Variants in PCDHGA9 observed in about 807,000 individuals in gnomAD.
The protein encoded by PCDHGA9 is protocadherin gamma-A9.
PCDHGA9 carries 37 observed loss-of-function variants against 62.5 expected under a neutral mutation model. The ratio of observed to expected loss-of-function variants is 0.59; its 90% CI spans 0.46 to 0.78. PCDHGA9 has a LOEUF of 0.78. Among genes scored for constraint, PCDHGA9 ranks in the 30% least tolerant of loss-of-function variants. PCDHGA9 has a pLI of 0.00. For synonymous variants in PCDHGA9, 459 were observed against 484.6 expected (o/e 0.95, Z 0.69); for missense variants, 1,138 against 1,166.2 (o/e 0.98, Z 0.35).
intron 1 of PCDHGA9, among the ~76,000 whole-genome samples, chr5:141,447,321 G>C (rs148203274): frequency 3.9e-5 from 6 of 152,068 alleles, no homozygotes; most frequent in Admixed American, 6.5e-5. Flanking sequence ...TGTATTTTTA[G>C]TAGAGACGGG....
chr5:141,497,473 AGGT>A (rs2099776769), intron 2 of PCDHGA9, among the ~76,000 whole-genome samples: 1 of 151,750 alleles, frequency 6.6e-6, no homozygotes. Flanking sequence ...ATGGAGGAGA[AGGT>A]GCGGAACCTC....
chr5:141,474,579 G>A (rs1340685342), intron 1 of PCDHGA9, among the ~76,000 whole-genome samples: 3 of 152,196 alleles, frequency 2.0e-5, no homozygotes, highest in Non-Finnish European at 4.4e-5. Flanking sequence ...TAATTGAAGT[G>A]TTAAAGACAT....
At position 141,498,920 on chromosome 5, in the gene PCDHGA9, G is replaced by A. The variant is rs930391165; in HGVS notation, c.2483+4055G>A. On this transcript the variant is annotated intron_variant, in intron 2 of 3. Transcript: ENST00000573521. ...TGCACTCCAGTCTGGGTGACAGAGC[G>A]AGACTCCATCAGGAAAGAAAGAAAG... 3.3e-4 allele frequency among the ~76,000 whole-genome samples: 47 copies of A among 142,950 alleles called. 1 individual carries two copies. Among genetic ancestry groups the A allele is most frequent in the African/African-American group, 8.9e-4 (35 of 39,160 alleles). The allele number at this position is 142,950 out of a possible 152,430, so 93.8% of individuals were successfully genotyped here. A position where few individuals can be genotyped will look rare whatever the true frequency, so the allele number is the denominator to read the frequency against.
At position 141,491,766 on chromosome 5, in the gene PCDHGA9, T is replaced by G. The variant is rs772444495; in HGVS notation, c.2425-3041T>G. On this transcript the variant is annotated intron_variant, in intron 1 of 3. Coordinates refer to ENST00000573521, the MANE Select transcript of PCDHGA9 (RefSeq NM_018921.3). This position sits in a 1 kb window ranked among gnomAD's most constrained non-coding sequence, Gnocchi z 6.9. ...GCACTGGAGAAGCCGCCCGTCCTCA[T>G]AAGGGATTGAACTTGCATCCACTCC... The G allele has an allele frequency of 1.9e-6, 3 of 1,567,856 alleles. No homozygotes were observed. Among genetic ancestry groups the G allele is most frequent in the Non-Finnish European group, 8.6e-7 (1 of 1,158,088 alleles).
chr5:141,440,578 C>T (rs2098188646), intron 1 of PCDHGA9: 1 of 152,138 alleles, frequency 6.6e-6, no homozygotes, highest in Non-Finnish European at 1.5e-5. Flanking sequence ...CTGAGTTTAC[C>T]CAGCTGGAAC....
At chr5:141,413,023 A>T in intron 1 of PCDHGA9, 1 of 729,646 alleles carries the variant, frequency 1.4e-6, no homozygotes, top group Non-Finnish European at 2.1e-6. Context: ...CACAAGCCCC[A>T]CAAACCGGCT....
intron 1 of PCDHGA9, among the ~76,000 whole-genome samples, chr5:141,425,059 G>A (rs1056925377): frequency 3.3e-5 from 5 of 152,110 alleles, no homozygotes; most frequent in Non-Finnish European, 7.4e-5. Flanking sequence ...CTAGGGCTCG[G>A]ACAAAAATAA....
At chr5:141,472,980 CAAAAAAA>C (rs60579131) in intron 1 of PCDHGA9, among the ~76,000 whole-genome samples, 1 of 86,108 alleles carries the variant, frequency 1.2e-5, no homozygotes, top group East Asian at 4.1e-4. Context: ...GAGTGAAACT[CAAAAAAA>C]AAAAAAAAAA....
chr5:141,419,035 T>G, intron 1 of PCDHGA9: 1 of 1,613,954 alleles, frequency 6.2e-7, no homozygotes, highest in Non-Finnish European at 8.5e-7. Context: ...GTGTTCCATT[T>G]AAGATTCATT....
chr5:141,409,045 C>T (rs1228603483), intron 1 of PCDHGA9: 1 of 1,613,878 alleles, frequency 6.2e-7, no homozygotes, highest in Non-Finnish European at 8.5e-7. Flanking sequence ...ACTACTACTT[C>T]CGAAGCACTG....
chr5:141,489,592 C>A lies in PCDHGA9; in HGVS notation c.2425-5215C>A, dbSNP rs747085985. On this transcript the variant is annotated intron_variant, in intron 1 of 3. Coordinates refer to ENST00000573521, the MANE Select transcript of PCDHGA9 (RefSeq NM_018921.3). The surrounding 1 kb of genome is among the most constrained non-coding windows in gnomAD (Gnocchi z 4.5). ...GACTGAACACCCCCTGGAGCTAATCCGTGTAGAGGTAGAGATCCTGGATCT... is the reference window on the plus strand; with the variant it reads ...GACTGAACACCCCCTGGAGCTAATCAGTGTAGAGGTAGAGATCCTGGATCT... 3 of 1,614,046 alleles carry A rather than the reference C, an allele frequency of 1.9e-6. No homozygotes were observed. Among genetic ancestry groups the A allele is most frequent in the Non-Finnish European group, 2.5e-6 (3 of 1,179,978 alleles).
At chr5:141,481,013 A>G (rs1198627648) in intron 1 of PCDHGA9, among the ~76,000 whole-genome samples, 1 of 152,164 alleles carries the variant, frequency 6.6e-6, no homozygotes, top group Admixed American at 6.5e-5. Context: ...AGCCCAGATC[A>G]CACCACTGCA....
intron 1 of PCDHGA9, among the ~76,000 whole-genome samples, chr5:141,459,937 G>A (rs904431112): frequency 6.6e-6 from 1 of 152,132 alleles, no homozygotes; most frequent in Non-Finnish European, 1.5e-5. Flanking sequence ...TTGTAGCTGG[G>A]CGTGATGGCA....
intron 1 of PCDHGA9, chr5:141,439,735 G>A (rs1317592646): frequency 1.3e-5 from 2 of 152,360 alleles, no homozygotes; most frequent in Non-Finnish European, 2.9e-5. Flanking sequence ...AGCAGGAACG[G>A]AACGGATTTA....
chr5:141,503,598 CAAA>C (rs765754054), intron 2 of PCDHGA9, among the ~76,000 whole-genome samples: 9 of 65,742 alleles, frequency 1.4e-4, no homozygotes, highest in Admixed American at 3.4e-4. Context: ...GACTCCAGCT[CAAA>C]AAAAAAAAAA....
chr5:141,406,600 G>A (rs1172246444), intron 1 of PCDHGA9, among the ~76,000 whole-genome samples: 2 of 152,144 alleles, frequency 1.3e-5, no homozygotes, highest in African/African-American at 4.8e-5. Flanking sequence ...AATGGTGAAA[G>A]TTGTCACATC....
At chr5:141,423,757 G>C (rs562479446) in intron 1 of PCDHGA9, 29 of 395,138 alleles carry the variant, frequency 7.3e-5, no homozygotes, top group African/African-American at 6.1e-4. Flanking sequence ...GTTTGGGGGG[G>C]GGGTGGGGCG....
Position 141,487,356 on chromosome 5 carries a change from C to A in PCDHGA9, c.2425-7451C>A. On this transcript the variant is annotated intron_variant, in intron 1 of 3. Coordinates refer to ENST00000573521, the MANE Select transcript of PCDHGA9 (RefSeq NM_018921.3). The surrounding 1 kb of genome is among the most constrained non-coding windows in gnomAD (Gnocchi z 5.0). ...GCCTGTGGAGTCACATGCTTTCCTG[C>A]TGGCACCTGTGCCTGTCTCACCAGA... 1 of 1,614,220 alleles carries A rather than the reference C, an allele frequency of 6.2e-7. No individual in the cohort carries two copies. The highest frequency in any genetic ancestry group is 8.5e-7 in the Non-Finnish European group (1 of 1,180,042).
rs1329649336 is a variant in PCDHGA9, at chr5:141,477,589, GCTTT to G, written c.2425-17207_2425-17204del. 2 of 1,614,130 alleles carry G rather than the reference GCTTT, an allele frequency of 1.2e-6. No homozygotes were observed. Among genetic ancestry groups the G allele is most frequent in the South Asian group, 1.1e-5 (1 of 91,086 alleles). ...ACCCCGACGCCCCGCAGAATGCTCGGCTTTCTTTCTTTCTCTTGGAGCAAGGAGC... is the reference window on the plus strand; with the variant it reads ...ACCCCGACGCCCCGCAGAATGCTCGGCTTTCTTTCTCTTGGAGCAAGGAGC... On this transcript the variant is annotated intron_variant, in intron 1 of 3. Coordinates refer to ENST00000573521, the MANE Select transcript of PCDHGA9 (RefSeq NM_018921.3). The surrounding 1 kb of genome is among the most constrained non-coding windows in gnomAD (Gnocchi z 4.9).
Sources: allele counts gnomAD v4.1 joint callset (sites outside exome capture counted in the v4.1 genomes callset), GRCh38; gene constraint gnomAD v4.1.1; non-coding constraint Gnocchi (gnomAD v3.1); transcripts MANE v1.5; gene names NCBI Gene and HGNC (gene_info 2026-07-23, HGNC 2026-07-21).